Variants in MFSD6 observed in about 807,000 individuals in gnomAD.
MFSD6 encodes the protein major facilitator superfamily domain-containing protein 6.
In MFSD6, 26 loss-of-function variants were observed where a neutral mutation model predicts 56.3. That is an observed-to-expected ratio of 0.46 (90% CI 0.34 to 0.64). The LOEUF (loss-of-function observed/expected upper bound fraction) is 0.64. Among genes scored for constraint, MFSD6 ranks in the 30% least tolerant of loss-of-function variants. The pLI is 0.01. For missense variants in MFSD6, 750 were observed against 986.2 expected (o/e 0.76, Z 3.21); for synonymous variants, 331 against 366.9 (o/e 0.90, Z 1.12).
In MFSD6 at chr2:190,412,431, A is replaced by G. The variant is rs924955234; in HGVS notation, c.-175-2861A>G. ...CTTTTAATTTAGGAAACTTTGTTCA[A>G]TAGGTTATCTTTAAAGGCAGAAATC... On this transcript the variant is annotated intron_variant, in intron 1 of 7. Coordinates refer to ENST00000392328, the MANE Select transcript of MFSD6 (RefSeq NM_017694.4). The surrounding 1 kb of genome is among the most constrained non-coding windows in gnomAD (Gnocchi z 4.1). 2.5e-5 allele frequency: 25 copies of G among 985,400 alleles called. No individual in the cohort carries two copies. The African/African-American group carries it at 4.0e-4, about 16-fold the overall frequency. 61.0% of individuals were successfully genotyped at this position (985,400 alleles called of 1,614,324 possible).
In MFSD6 at chr2:190,437,021, G is replaced by A. The variant is rs1203120287; in HGVS notation, c.992G>A (p.Gly331Asp). Residue 331 changes from glycine to aspartate, a missense_variant, in exon 3 of 8, where the codon GGC (glycine) becomes GAC (aspartate). By Grantham distance (94) the Gly-to-Asp change is moderately conservative. Around this residue, in one of 5 missense-constraint regions of MFSD6, gnomAD observed 376 missense variants for 437.9 expected, o/e 0.86. Transcript: ENST00000392328. The surrounding 1 kb of genome is among the most constrained non-coding windows in gnomAD (Gnocchi z 5.9). ...CGCTATGGGTTGCAGCGCATGTGGG[G>A]CTCCCTGGGCTGGGGCCTGGCGATG... ...RDRYGLQRMWGSLGWGLAMLS... is the reference protein window; with the variant it reads ...RDRYGLQRMWDSLGWGLAMLS... The A allele has an allele frequency of 6.2e-7, 1 of 1,614,082 alleles. No individual in the cohort carries two copies. The highest frequency in any genetic ancestry group is 2.2e-5 in the East Asian group (1 of 44,882).
In MFSD6 at chr2:190,471,324, G is replaced by A. The variant is rs1687912850; in HGVS notation, c.1630+1469G>A. Among the ~76,000 whole-genome samples, 1 of 152,206 alleles carries A rather than the reference G, an allele frequency of 6.6e-6. No individual in the cohort carries two copies. The highest frequency in any genetic ancestry group is 2.4e-5 in the African/African-American group (1 of 41,456). ...TCACCCAGGAAGCACAAGGGGTCAGGGAATTCCCTTTCCTAGCCGAGGAAA... is the reference window on the plus strand; with the variant it reads ...TCACCCAGGAAGCACAAGGGGTCAGAGAATTCCCTTTCCTAGCCGAGGAAA... On this transcript the variant is annotated intron_variant, in intron 4 of 7. Transcript: ENST00000392328. The surrounding 1 kb of genome is among the most constrained non-coding windows in gnomAD (Gnocchi z 4.7).
At chr2:190,450,444 A>G (rs558398072) in intron 3 of MFSD6, among the ~76,000 whole-genome samples, 4 of 150,444 alleles carry the variant, frequency 2.7e-5, no homozygotes, top group Non-Finnish European at 5.9e-5. Flanking sequence ...ATAGTAGTCT[A>G]TAGACAAACA....
intron 4 of MFSD6, among the ~76,000 whole-genome samples, chr2:190,476,439 A>G (rs1688318456): frequency 6.6e-6 from 1 of 152,276 alleles, no homozygotes; most frequent in Admixed American, 6.5e-5. Flanking sequence ...TGCAGCCAAC[A>G]GACACATGAA....
Position 190,457,454 on chromosome 2 carries a change from A to G in MFSD6, c.1533-12304A>G, listed in dbSNP as rs1559122366. On this transcript the variant is annotated intron_variant, in intron 3 of 7. Transcript: ENST00000392328. The surrounding 1 kb of genome is among the most constrained non-coding windows in gnomAD (Gnocchi z 5.1). ...AGACTTTGCGTGTTTTTTGCTGACA[A>G]GTCAAAAATGTGCACAAAGCCATTC... 6.6e-6 allele frequency among the ~76,000 whole-genome samples: 1 copy of G among 152,164 alleles called. No homozygotes were observed. The highest frequency in any genetic ancestry group is 1.5e-5 in the Non-Finnish European group (1 of 68,020).
At position 190,499,791 on chromosome 2, in the gene MFSD6, G is replaced by C. The variant is rs775459112; in HGVS notation, c.2173-224G>C. The C allele has an allele frequency of 4.7e-6, 7 of 1,504,660 alleles. No homozygotes were observed. The highest frequency in any genetic ancestry group is 4.0e-5 in the Admixed American group (2 of 49,536). The allele number at this position is 1,504,660 out of a possible 1,614,324, so 93.2% of individuals were successfully genotyped here. On this transcript the variant is annotated intron_variant, in intron 7 of 7. Coordinates refer to ENST00000392328, the MANE Select transcript of MFSD6 (RefSeq NM_017694.4). The surrounding 1 kb of genome is among the most constrained non-coding windows in gnomAD (Gnocchi z 6.0). ...TAATGTTCCTTTTTCCACAAGACAC[G>C]TCTGCTTATAGTGTTTGTGTTTTTC... is the stretch of plus-strand genomic sequence containing the variant.
upstream of MFSD6, chr2:190,408,331 G>T (rs533917728): frequency 6.6e-6 from 1 of 151,830 alleles, no homozygotes; most frequent in South Asian, 1.8e-4. Flanking sequence ...CCCTCGCCTC[G>T]CCTCGCCGCG....
rs996193846 is a variant in MFSD6 at position 190,496,547 on chromosome 2, A to G, written c.1892-892A>G. On this transcript the variant is annotated intron_variant, in intron 6 of 7. Transcript: ENST00000392328. The surrounding 1 kb of genome is among the most constrained non-coding windows in gnomAD (Gnocchi z 4.7). ...CTTGTACATGCATGTTTATAGCATCACAATTGCAAAAATGTGGAACCAGCC... is the reference window on the plus strand; with the variant it reads ...CTTGTACATGCATGTTTATAGCATCGCAATTGCAAAAATGTGGAACCAGCC... Among the ~76,000 whole-genome samples the G allele has an allele frequency of 2.0e-5, 3 of 152,216 alleles. No individual in the cohort carries two copies. The highest frequency in any genetic ancestry group is 2.9e-5 in the Non-Finnish European group (2 of 68,038).
intron 1 of MFSD6, chr2:190,411,699 G>A: frequency 1.0e-6 from 1 of 985,380 alleles, no homozygotes; most frequent in African/African-American, 1.7e-5. Flanking sequence ...ATGAGACTCA[G>A]GAGATCAAAG....
chr2:190,492,009 A>T lies in MFSD6; in HGVS notation c.1891+2143A>T, dbSNP rs1221888707. 6.6e-6 allele frequency among the ~76,000 whole-genome samples: 1 copy of T among 152,250 alleles called. No individual in the cohort carries two copies. The highest frequency in any genetic ancestry group is 1.9e-4 in the East Asian group (1 of 5,208). ...ATAAAGGACACACTTACAGAAATGC[A>T]AAATGTTCTGGAAAGTCTCAGCAAC... On this transcript the variant is annotated intron_variant, in intron 6 of 7. Transcript: ENST00000392328. The surrounding 1 kb of genome is among the most constrained non-coding windows in gnomAD (Gnocchi z 5.2).
At chr2:190,466,343 T>G (rs1216590535) in intron 3 of MFSD6, among the ~76,000 whole-genome samples, 1 of 152,232 alleles carries the variant, frequency 6.6e-6, no homozygotes, top group African/African-American at 2.4e-5. Context: ...ACTGAAGTAC[T>G]TTTCAGTGAC....
At chr2:190,441,441 G>A (rs559737789) in intron 3 of MFSD6, among the ~76,000 whole-genome samples, 1 of 151,834 alleles carries the variant, frequency 6.6e-6, no homozygotes, top group Admixed American at 6.6e-5. Flanking sequence ...CAGGCTAATG[G>A]GAGGCATAGG....
Position 190,497,751 on chromosome 2 carries a change from C to T in MFSD6, c.2172+32C>T, listed in dbSNP as rs1689785930. The stretch of plus-strand genomic sequence containing the variant: ...TTCCTTTGCTGGGCTAGCAATATTA[C>T]CTGTCACTCAAGATACCTTAACTGG... On this transcript the variant is annotated intron_variant, in intron 7 of 7. Transcript: ENST00000392328. This position sits in a 1 kb window ranked among gnomAD's most constrained non-coding sequence, Gnocchi z 5.2. The T allele has an allele frequency of 4.4e-6, 7 of 1,588,684 alleles. No individual in the cohort carries two copies. The East Asian group carries it at 1.6e-4, about 36-fold the overall frequency.
rs942043336 is a variant in MFSD6, at chr2:190,419,993, C to T, written c.-54+4580C>T. ...TGCAAACCTGCACTAGAGAATATTT[C>T]CCAGAAAAGATCATAAAGTTAATTC... On this transcript the variant is annotated intron_variant, in intron 2 of 7. Coordinates refer to ENST00000392328, the MANE Select transcript of MFSD6 (RefSeq NM_017694.4). Among the ~76,000 whole-genome samples, 8 of 152,298 alleles carry T rather than the reference C, an allele frequency of 5.3e-5. No individual in the cohort carries two copies. The East Asian group carries it at 1.3e-3, about 26-fold the overall frequency.
At position 190,410,368 on chromosome 2, in the gene MFSD6, T is replaced by C. The variant is rs1286182645; in HGVS notation, c.-176+1865T>C. Among the ~76,000 whole-genome samples the C allele has an allele frequency of 2.0e-5, 3 of 152,316 alleles. No homozygotes were observed. The East Asian group carries it at 5.8e-4, about 29-fold the overall frequency. ...AGAGGTAGAGTTAAATTTGACCTCA[T>C]GTTTCTGGCTCCAAAGCCCAGGAAA... On this transcript the variant is annotated intron_variant, in intron 1 of 7. Transcript: ENST00000392328. The surrounding 1 kb of genome is among the most constrained non-coding windows in gnomAD (Gnocchi z 4.4).
chr2:190,480,993 T>C (rs547338668), intron 4 of MFSD6, among the ~76,000 whole-genome samples: 1 of 152,366 alleles, frequency 6.6e-6, no homozygotes, highest in African/African-American at 2.4e-5. Context: ...TGAAGCCTAA[T>C]GACCAAAGCG....
At chr2:190,430,718 GGGTACACTTCCC>G (rs748789802) in intron 2 of MFSD6, among the ~76,000 whole-genome samples, 66,182 of 148,432 alleles carry the variant, frequency 0.45, 15,092 homozygotes, top group Admixed American at 0.6. Flanking sequence ...ATGAGCTGTT[GGGTACACTTCCC>G]AGACGGGGTG....
At position 190,443,981 on chromosome 2, in the gene MFSD6, G is replaced by C. The variant is rs964631487; in HGVS notation, c.1532+6420G>C. 6.6e-6 allele frequency among the ~76,000 whole-genome samples: 1 copy of C among 152,164 alleles called. No individual in the cohort carries two copies. The highest frequency in any genetic ancestry group is 2.4e-5 in the African/African-American group (1 of 41,432). On this transcript the variant is annotated intron_variant, in intron 3 of 7. Transcript: ENST00000392328. The surrounding 1 kb of genome is among the most constrained non-coding windows in gnomAD (Gnocchi z 4.2). ...CTGGGAGGATCTGTTGAGCCCAAAA[G>C]GAAGTCAAGGCTGCAGTGAGCTGTG...
rs1416967453 is a variant in MFSD6 at position 190,462,667 on chromosome 2, A to G, written c.1533-7091A>G. Among the ~76,000 whole-genome samples the G allele has an allele frequency of 6.6e-6, 1 of 152,178 alleles. No homozygotes were observed. The highest frequency in any genetic ancestry group is 1.5e-5 in the Non-Finnish European group (1 of 68,034). ...GGAACAGCGGGGGACAGGAGGACTA[A>G]TTATACCTGGAGACATCTTGGGAGG... is the stretch of plus-strand genomic sequence containing the variant. On this transcript the variant is annotated intron_variant, in intron 3 of 7. Coordinates refer to ENST00000392328, the MANE Select transcript of MFSD6 (RefSeq NM_017694.4). The surrounding 1 kb of genome is among the most constrained non-coding windows in gnomAD (Gnocchi z 5.7).
Sources: gnomAD v4.1 joint callset for allele counts (sites outside exome capture counted in the v4.1 genomes callset) on GRCh38, gnomAD v4.1.1 for gene constraint, gnomAD v4.1.1 regional missense constraint, Gnocchi (gnomAD v3.1) non-coding constraint, MANE v1.5 for transcripts, NCBI Gene and HGNC (gene_info 2026-07-23, HGNC 2026-07-21) for gene names.